The following TBC1D8B variants were observed in gnomAD, a reference collection of about 807,000 sequenced individuals.
TBC1D8B encodes the protein RP11-321G1.1.
TBC1D8B carries 75 observed loss-of-function variants against 82.9 expected under a neutral mutation model. The ratio of observed to expected loss-of-function variants is 0.90; its 90% CI spans 0.75 to 1.10. The LOEUF is 1.10. Ranked by LOEUF, TBC1D8B falls within the 50% of genes least tolerant of loss-of-function variation. The pLI, the probability that TBC1D8B is intolerant of heterozygous loss-of-function variation, is 0.00. For missense variants in TBC1D8B, 794 were observed against 796.9 expected (o/e 1.00, Z 0.04); for synonymous variants, 276 against 276.8 (o/e 1.00, Z 0.03).
intron 1 of TBC1D8B, among the ~76,000 whole-genome samples, chrX:106,804,494 C>T (rs1931127343): frequency 8.9e-6 from 1 of 111,799 alleles, no homozygotes; most frequent in East Asian, 2.8e-4. Context: ...AAGAGTCTTT[C>T]CATTTAATAG....
intron 11 of TBC1D8B, 42 bp downstream of exon 11, chrX:106,848,345 G>A (rs1932510485): frequency 1.1e-6 from 1 of 880,557 alleles, no homozygotes; most frequent in South Asian, 3.0e-5. Flanking sequence ...TACACACACA[G>A]AGATGTATAT....
At chrX:106,822,749 G>C (rs1931730493) in intron 4 of TBC1D8B, among the ~76,000 whole-genome samples, 1 of 108,921 alleles carries the variant, frequency 9.2e-6, no homozygotes, top group African/African-American at 3.3e-5. Context: ...TATAATCCTA[G>C]CACTTTGGGA....
intron 10 of TBC1D8B, among the ~76,000 whole-genome samples, chrX:106,845,544 G>A (rs1932423970): frequency 9.8e-6 from 1 of 102,198 alleles, no homozygotes; most frequent in Non-Finnish European, 2.0e-5. Context: ...GTGAGAATAT[G>A]CGGTGTTTGG....
intron 12 of TBC1D8B, among the ~76,000 whole-genome samples, chrX:106,850,578 C>T (rs371969103): frequency 1.8e-5 from 2 of 111,337 alleles, no homozygotes; most frequent in African/African-American, 6.5e-5. Flanking sequence ...TTTCATATTC[C>T]CAGTTTGAGC....
chrX:106,846,112 T>C (rs1448908568), intron 10 of TBC1D8B, among the ~76,000 whole-genome samples: 1 of 92,861 alleles, frequency 1.1e-5, no homozygotes, highest in African/African-American at 4.0e-5. Context: ...TTTTTTTTTT[T>C]TTTTTAATGA....
chrX:106,836,422 G>C (rs755719703), intron 7 of TBC1D8B, among the ~76,000 whole-genome samples: 2 of 111,774 alleles, frequency 1.8e-5, no homozygotes, highest in South Asian at 7.6e-4. Context: ...AGCCCTGCTA[G>C]GGCTTGTACT....
At chrX:106,810,571 T>G (rs1369730517) in intron 1 of TBC1D8B, among the ~76,000 whole-genome samples, 1 of 112,073 alleles carries the variant, frequency 8.9e-6, no homozygotes, top group Non-Finnish European at 1.9e-5. Context: ...AAACAGCCTA[T>G]GTATAACAAA....
chrX:106,849,223 T>C, intron 11 of TBC1D8B: 6 of 503,120 alleles, frequency 1.2e-5, no homozygotes, highest in Non-Finnish European at 1.6e-5. Context: ...TTTGTGTATT[T>C]TTTTTTTTTT....
At chrX:106,865,257 C>T (rs948267457) in intron 14 of TBC1D8B, among the ~76,000 whole-genome samples, 4 of 111,811 alleles carry the variant, frequency 3.6e-5, no homozygotes, top group African/African-American at 1.3e-4. Context: ...ACTTAGAATA[C>T]TGTTACTTAT....
At position 106,840,766 on chromosome X, in the gene TBC1D8B, G is replaced by A. The variant is rs199795712; in HGVS notation, c.1601G>A (p.Arg534His). Residue 534 changes from arginine to histidine, a missense_variant, in exon 10 of 21, where the codon CGT (arginine) becomes CAT (histidine). By Grantham distance (29) the Arg-to-His change is conservative (BLOSUM62 0). Coordinates refer to ENST00000357242, the MANE Select transcript of TBC1D8B (RefSeq NM_017752.3). ...AACTTGGCTACTGAAGAAATTGAAC[G>A]TGATTTACGTCGCTCTCTGCCTGAG... ...TCNLATEEIE[R>H]DLRRSLPEHP... is the part of the protein sequence containing the mutation. 7 of 1,209,249 alleles carry A rather than the reference G, an allele frequency of 5.8e-6. No individual in the cohort carries two copies. In the Admixed American group the frequency reaches 6.6e-5, roughly 11 times the overall value.
At chrX:106,868,258 G>T (rs914890185) in intron 17 of TBC1D8B, 135 bp from the exon 18 acceptor site, 1 of 293,897 alleles carries the variant, frequency 3.4e-6, no homozygotes, top group African/African-American at 2.8e-5. Context: ...AACCACTTCT[G>T]TATTTCTTCA....
At chrX:106,825,211 G>A (rs748184008) in intron 5 of TBC1D8B, among the ~76,000 whole-genome samples, 4 of 111,520 alleles carry the variant, frequency 3.6e-5, no homozygotes, top group East Asian at 5.6e-4. Flanking sequence ...ATGTTTATCC[G>A]AAGTATTTTG....
chrX:106,854,377 C>CATTTTAT, intron 14 of TBC1D8B, 81 bp downstream of exon 14: 3 of 598,425 alleles, frequency 5.0e-6, no homozygotes, highest in Non-Finnish European at 4.9e-6. Context: ...ATCTTCTGGG[C>CATTTTAT]GAATAAAATG....
At chrX:106,864,417 C>G (rs1364883267) in intron 14 of TBC1D8B, among the ~76,000 whole-genome samples, 2 of 109,035 alleles carry the variant, frequency 1.8e-5, no homozygotes, top group African/African-American at 6.7e-5. Context: ...CTTTTAGGGT[C>G]AGTGTTCACT....
At chrX:106,821,711 T>C (rs1160163508) in intron 3 of TBC1D8B, among the ~76,000 whole-genome samples, 1 of 111,903 alleles carries the variant, frequency 8.9e-6, no homozygotes, top group Non-Finnish European at 1.9e-5. Context: ...AGACTATTCA[T>C]TCCTAATACA....
chrX:106,869,463 G>A (rs760027810), intron 18 of TBC1D8B, 22 bp from the exon 19 acceptor site: 2 of 1,189,653 alleles, frequency 1.7e-6, no homozygotes, highest in Non-Finnish European at 1.1e-6. Flanking sequence ...CTTACAGAAT[G>A]CAATTACATC....
chrX:106,811,334 C>T (rs1454543278), intron 1 of TBC1D8B, among the ~76,000 whole-genome samples: 2 of 111,272 alleles, frequency 1.8e-5, no homozygotes, highest in Admixed American at 9.6e-5. Context: ...AGACCAGCCT[C>T]GGCCACACAG....
chrX:106,869,470 C>T lies in TBC1D8B; in HGVS notation c.2813-15C>T. 8.3e-7 allele frequency: 1 copy of T among 1,201,801 alleles called. No individual in the cohort carries two copies. The highest frequency in any genetic ancestry group is 1.1e-6 in the Non-Finnish European group (1 of 888,221). On this transcript the variant is annotated splice_polypyrimidine_tract_variant and intron_variant, in intron 18 of 20. Transcript: ENST00000357242. The stretch of plus-strand genomic sequence containing the variant: ...TTAAACATCTTACAGAATGCAATTA[C>T]ATCTTTTCTTATAGTTTCCAAGCCT...
chrX:106,832,360 T>C (rs1932069090), intron 7 of TBC1D8B, among the ~76,000 whole-genome samples: 1 of 111,567 alleles, frequency 9.0e-6, no homozygotes, highest in Admixed American at 9.6e-5. Flanking sequence ...TATAAAGAGA[T>C]TTAGTAAAAT....
Sources: gnomAD v4.1 joint callset for allele counts (sites outside exome capture counted in the v4.1 genomes callset) on GRCh38, gnomAD v4.1.1 for gene constraint, MANE v1.5 for transcripts, NCBI Gene and HGNC (gene_info 2026-07-23, HGNC 2026-07-21) for gene names.